DLG2: variants seen among roughly 807,000 people sequenced by gnomAD.
DLG2 encodes the protein discs large MAGUK scaffold protein 2.
A neutral mutation model predicts 132.5 loss-of-function variants in DLG2; 45 were observed. The observed-to-expected ratio is 0.34, with a 90% CI of 0.27 to 0.44. The LOEUF is 0.44. Ranked by LOEUF, DLG2 falls within the 20% of genes least tolerant of loss-of-function variation. The pLI is 1.00. For missense variants in DLG2, 1,045 were observed against 1,196.9 expected (o/e 0.87, Z 1.87); for synonymous variants, 424 against 419.6 (o/e 1.01, Z -0.13).
At chr11:83,855,923 T>C (rs759278096) in intron 16 of DLG2, among the ~76,000 whole-genome samples, 3 of 152,176 alleles carry the variant, frequency 2.0e-5, no homozygotes, top group Non-Finnish European at 4.4e-5. Context: ...GTACAGGTTA[T>C]GTCATTGCCC....
At chr11:84,098,864 G>A (rs1369268093) in intron 10 of DLG2, 59 bp downstream of exon 10, 15 of 1,565,904 alleles carry the variant, frequency 9.6e-6, no homozygotes, top group African/African-American at 1.4e-5. Context: ...AGGTACAAAT[G>A]TGTCTCATTG....
intron 10 of DLG2, among the ~76,000 whole-genome samples, chr11:84,075,347 G>A (rs749529252): frequency 5.9e-5 from 9 of 152,046 alleles, no homozygotes; most frequent in Admixed American, 2.0e-4. Context: ...CTTAGAGTAG[G>A]AGCCTTGTCT....
intron 18 of DLG2, among the ~76,000 whole-genome samples, chr11:83,714,345 T>C (rs1368210053): frequency 1.3e-5 from 2 of 152,180 alleles, no homozygotes; most frequent in African/African-American, 2.4e-5. Context: ...AGACACTTAA[T>C]TGAGGGCTAT....
At chr11:85,313,576 G>C (rs1413856501) in intron 3 of DLG2, among the ~76,000 whole-genome samples, 1 of 151,948 alleles carries the variant, frequency 6.6e-6, no homozygotes, top group African/African-American at 2.4e-5. Context: ...GTTTACAATT[G>C]TTTTTCATGT....
At chr11:83,977,191 A>G (rs2092341655) in intron 12 of DLG2, among the ~76,000 whole-genome samples, 1 of 151,966 alleles carries the variant, frequency 6.6e-6, no homozygotes, top group South Asian at 2.1e-4. Flanking sequence ...TAAGCTTCCT[A>G]TGATCCAGTA....
chr11:84,622,041 C>T (rs573294596), intron 6 of DLG2, among the ~76,000 whole-genome samples: 4 of 151,960 alleles, frequency 2.6e-5, no homozygotes, highest in African/African-American at 9.7e-5. Flanking sequence ...AGTTGCGGAC[C>T]GCACTTTCCC....
intron 6 of DLG2, among the ~76,000 whole-genome samples, chr11:84,925,493 G>C (rs148363936): frequency 5.1e-4 from 78 of 152,110 alleles, no homozygotes; most frequent in Middle Eastern, 3.4e-3. Flanking sequence ...TTCTTAAGTG[G>C]ACTAGGATAG....
intron 16 of DLG2, among the ~76,000 whole-genome samples, chr11:83,870,602 T>C (rs2063253189): frequency 6.6e-6 from 1 of 152,198 alleles, no homozygotes; most frequent in Admixed American, 6.5e-5. Flanking sequence ...TAGCACACTG[T>C]GAAGGGCTCA....
intron 6 of DLG2, among the ~76,000 whole-genome samples, chr11:84,796,867 A>G (rs924515188): frequency 1.3e-5 from 2 of 151,216 alleles, no homozygotes; most frequent in African/African-American, 2.4e-5. Flanking sequence ...TTATTTAGAG[A>G]CAGAGTTTAG....
At chr11:84,578,726 C>A (rs1315891196) in intron 6 of DLG2, among the ~76,000 whole-genome samples, 1 of 152,082 alleles carries the variant, frequency 6.6e-6, no homozygotes, top group Non-Finnish European at 1.5e-5. Context: ...TGGGTTAACA[C>A]TGAAATAAAT....
intron 4 of DLG2, among the ~76,000 whole-genome samples, chr11:85,246,866 C>A (rs1033030267): frequency 2.6e-5 from 4 of 151,938 alleles, no homozygotes; most frequent in Non-Finnish European, 5.9e-5. Context: ...CATAGTTATC[C>A]AATCAGTATT....
At chr11:84,313,214 C>G (rs563369874) in intron 7 of DLG2, among the ~76,000 whole-genome samples, 1 of 151,950 alleles carries the variant, frequency 6.6e-6, no homozygotes, top group Non-Finnish European at 1.5e-5. Flanking sequence ...TTCCTAAGTT[C>G]AAGCAATTCT....
At chr11:84,669,320 C>A (rs976083107) in intron 6 of DLG2, among the ~76,000 whole-genome samples, 7 of 151,928 alleles carry the variant, frequency 4.6e-5, no homozygotes, top group Non-Finnish European at 8.8e-5. Flanking sequence ...ATGGAAGTGT[C>A]CAGATACTAA....
intron 6 of DLG2, among the ~76,000 whole-genome samples, chr11:84,595,822 G>T (rs994320226): frequency 6.6e-6 from 1 of 152,164 alleles, no homozygotes; most frequent in South Asian, 2.1e-4. Flanking sequence ...GTCACAGATT[G>T]AAAACTGGTT....
At chr11:84,330,570 A>C (rs1222971825) in intron 7 of DLG2, among the ~76,000 whole-genome samples, 1 of 152,216 alleles carries the variant, frequency 6.6e-6, no homozygotes, top group Admixed American at 6.5e-5. Context: ...GTGCAAAATG[A>C]CATCTCATTT....
intron 6 of DLG2, among the ~76,000 whole-genome samples, chr11:84,542,325 G>A (rs1457483969): frequency 6.6e-6 from 1 of 152,128 alleles, no homozygotes; most frequent in Non-Finnish European, 1.5e-5. Context: ...TTATGAAGCA[G>A]GTATAAAATT....
chr11:85,411,634 T>C (rs1295265719), intron 3 of DLG2, among the ~76,000 whole-genome samples: 3 of 151,898 alleles, frequency 2.0e-5, no homozygotes, highest in South Asian at 2.1e-4. Context: ...CATCCACATT[T>C]TGAGCATACG....
At chr11:85,056,605 T>C (rs1004178145) in intron 6 of DLG2, among the ~76,000 whole-genome samples, 3 of 152,012 alleles carry the variant, frequency 2.0e-5, no homozygotes, top group Admixed American at 2.0e-4. Flanking sequence ...TAATGATCAG[T>C]ACATTTTCAA....
chr11:85,521,187 A>G (rs886915611), intron 3 of DLG2, among the ~76,000 whole-genome samples: 6 of 152,312 alleles, frequency 3.9e-5, no homozygotes, highest in Middle Eastern at 3.4e-3. Context: ...GTGTTGGGTG[A>G]GGGACCTTGT....
Sources: gnomAD v4.1 joint callset for allele counts (sites outside exome capture counted in the v4.1 genomes callset) on GRCh38, gnomAD v4.1.1 for gene constraint, MANE v1.5 for transcripts, NCBI Gene and HGNC (gene_info 2026-07-23, HGNC 2026-07-21) for gene names.